The following ZNF223 variants were observed in gnomAD, a reference collection of about 807,000 sequenced individuals.
The protein encoded by ZNF223 is Homo sapiens zinc finger protein 223.
In ZNF223, 9 loss-of-function variants were observed where a neutral mutation model predicts 12.3. The observed-to-expected ratio is 0.73, with a 90% confidence interval of 0.44 to 1.28. The LOEUF (loss-of-function observed/expected upper bound fraction) is 1.28, where lower values mean the gene tolerates loss of function less well. Ranked by LOEUF, ZNF223 falls within the 50% of genes most tolerant of loss-of-function variation. The pLI, the probability that ZNF223 is intolerant of heterozygous loss-of-function variation, is 0.00. For synonymous variants in ZNF223, 171 were observed against 195.2 expected, an observed-to-expected ratio of 0.88 and a Z score of 1.03; for missense variants, 506 against 579.0, an observed-to-expected ratio of 0.87 and a Z score of 1.29.
In ZNF223 at chr19:44,066,255, A is replaced by G. The variant is rs754445322; in HGVS notation, c.427A>G (p.Thr143Ala). 1.5e-5 allele frequency: 24 copies of G among 1,614,138 alleles called. No individual in the cohort carries two copies. The highest frequency in any genetic ancestry group is 1.9e-5 in the Non-Finnish European group (23 of 1,180,042). The change falls in exon 5 of 5, where the codon ACA becomes GCA. Residue 143 changes from threonine to alanine, a missense_variant. Transcript: ENST00000434772. Reference protein sequence around the residue: ...QVEEGLSIMHTGQKPSNCGKC... With the variant: ...QVEEGLSIMHAGQKPSNCGKC... ...TGAGGAAGGACTATCTATAATGCACACAGGACAGAAACCTTCCAATTGTGG... is the reference window on the plus strand; with the variant it reads ...TGAGGAAGGACTATCTATAATGCACGCAGGACAGAAACCTTCCAATTGTGG...
Position 44,065,603 on chromosome 19 carries a change from A to G in ZNF223, c.236-461A>G, listed in dbSNP as rs1172442517. On this transcript the variant is annotated intron_variant, in intron 4 of 4. Coordinates refer to ENST00000434772, the MANE Select transcript of ZNF223 (RefSeq NM_013361.6). ...TTTTTTTTTTTTTTTTTTGAGGCAGAGTCTCACTGTGTCGCCCAGGCTGGA... is the reference window on the plus strand; with the variant it reads ...TTTTTTTTTTTTTTTTTTGAGGCAGGGTCTCACTGTGTCGCCCAGGCTGGA... 4.5e-5 allele frequency among the ~76,000 whole-genome samples: 6 copies of G among 134,036 alleles called. No individual in the cohort carries two copies. The East Asian group carries it at 1.3e-3, about 29-fold the overall frequency. The allele number at this position is 134,036 out of a possible 152,430, so 87.9% of individuals were successfully genotyped here.
rs1976827059 is a variant in ZNF223, at chr19:44,060,769, G to A, written c.163G>A (p.Asp55Asn). Residue 55 changes from aspartate to asparagine, a missense_variant, in exon 4 of 5, where the codon GAT (aspartate) becomes AAT (asparagine). Asp to Asn is a conservative substitution (Grantham distance 23). Coordinates refer to ENST00000434772, the MANE Select transcript of ZNF223 (RefSeq NM_013361.6). ...TACAGGGCATCAACCATTCCACCGA[G>A]ATACTTTCCACTTTCTAAGGGAGGA... ...LSVGHQPFHR[D>N]TFHFLREEKF... 1.9e-6 allele frequency: 3 copies of A among 1,614,114 alleles called. No individual in the cohort carries two copies. The highest frequency in any genetic ancestry group is 2.5e-6 in the Non-Finnish European group (3 of 1,180,016).
rs147217584 is a variant in ZNF223, at chr19:44,065,559, T to C, written c.236-505T>C. ...ATGATTTTTTATTTGAAATGTGGTA[T>C]GTTTTTTTCTTTCTTTTCTTTTTTT... On this transcript the variant is annotated intron_variant, in intron 4 of 4. Coordinates refer to ENST00000434772, the MANE Select transcript of ZNF223 (RefSeq NM_013361.6). Among the ~76,000 whole-genome samples the C allele has an allele frequency of 4.4e-3, 662 of 149,660 alleles. 5 individuals carry two copies. The highest frequency in any genetic ancestry group is 0.015 in the African/African-American group (617 of 41,070).
chr19:44,067,340 T>A lies in ZNF223; in HGVS notation c.*63T>A. The A allele has an allele frequency of 1.4e-6, 2 of 1,466,620 alleles. No homozygotes were observed. The highest frequency in any genetic ancestry group is 1.9e-6 in the Non-Finnish European group (2 of 1,071,024). The allele number at this position is 1,466,620 out of a possible 1,614,324, so 90.9% of individuals were successfully genotyped here. Reference sequence around the variant, plus strand: ...AATATATGTATATGATGTATAATGATCAAATCAGTGTAATTAGCACATTTA... The same window carrying A: ...AATATATGTATATGATGTATAATGAACAAATCAGTGTAATTAGCACATTTA... On this transcript the variant is annotated 3_prime_UTR_variant, in exon 5 of 5. Transcript: ENST00000434772.
Position 44,055,167 on chromosome 19 carries a change from A to G in ZNF223, c.-10A>G, listed in dbSNP as rs1976749045. On this transcript the variant is annotated 5_prime_UTR_variant, in exon 2 of 5. It removes the in-frame stop codon of an upstream open reading frame in the 5' UTR. Coordinates refer to ENST00000434772, the MANE Select transcript of ZNF223 (RefSeq NM_013361.6). ...CAGGACTCTGCAAATTCCCTAAAGT[A>G]GGAGGAAAAATGACCATGTCCAAGG... 7 of 1,613,338 alleles carry G rather than the reference A, an allele frequency of 4.3e-6. No homozygotes were observed. In the East Asian group the frequency reaches 1.6e-4, roughly 36 times the overall value.
chr19:44,065,026 T>A (rs1172009350), intron 4 of ZNF223, among the ~76,000 whole-genome samples: 1 of 152,240 alleles, frequency 6.6e-6, no homozygotes, highest in African/African-American at 2.4e-5. Flanking sequence ...AAGACCTACA[T>A]TAAATCACAT....
chr19:44,063,121 C>G (rs1394184120), intron 4 of ZNF223: 1 of 152,204 alleles, frequency 6.6e-6, no homozygotes, highest in Non-Finnish European at 1.5e-5. Flanking sequence ...CCCTTCCCAT[C>G]TCCTTAAAGA....
At position 44,066,590 on chromosome 19, in the gene ZNF223, C is replaced by A; in HGVS notation, c.762C>A (p.His254Gln). The A allele has an allele frequency of 6.2e-7, 1 of 1,614,134 alleles. No individual in the cohort carries two copies. The highest frequency in any genetic ancestry group is 8.5e-7 in the Non-Finnish European group (1 of 1,180,014). ...CACTTACAGTTCATTGCAAATTACA[C>A]ATGGGAGAGAAACATTATAATTGTG... ...RSALTVHCKL[H>Q]MGEKHYNCEA... Residue 254 changes from histidine to glutamine, a missense_variant, in exon 5 of 5, where the codon CAC becomes CAA. Transcript: ENST00000434772.
intron 2 of ZNF223, among the ~76,000 whole-genome samples, chr19:44,057,457 T>A (rs1976783824): frequency 6.6e-6 from 1 of 152,206 alleles, no homozygotes; most frequent in Non-Finnish European, 1.5e-5. Flanking sequence ...AGATCATCAG[T>A]TCCCTGGAAT....
chr19:44,058,941 C>T (rs1976802999), intron 2 of ZNF223, among the ~76,000 whole-genome samples: 1 of 152,184 alleles, frequency 6.6e-6, no homozygotes, highest in Admixed American at 6.5e-5. Flanking sequence ...GGGGCACCCC[C>T]AGCATGCCTA....
intron 2 of ZNF223, among the ~76,000 whole-genome samples, chr19:44,058,720 GCTGGGCTCCC>G (rs1475747893): frequency 6.6e-6 from 1 of 152,250 alleles, no homozygotes; most frequent in African/African-American, 2.4e-5. Context: ...AAGGGATGTT[GCTGGGCTCCC>G]AAGGCAGTGG....
chr19:44,067,418 A>G lies in ZNF223; in HGVS notation c.*141A>G. ...GAGAAAATTAAAAATTCATTGTTCCAGCAGTTTGAAAATAAATTGTTGTCG... is the reference window on the plus strand; with the variant it reads ...GAGAAAATTAAAAATTCATTGTTCCGGCAGTTTGAAAATAAATTGTTGTCG... On this transcript the variant is annotated 3_prime_UTR_variant, in exon 5 of 5. Transcript: ENST00000434772. 1.9e-6 allele frequency: 2 copies of G among 1,053,040 alleles called. No individual in the cohort carries two copies. The highest frequency in any genetic ancestry group is 1.4e-5 in the South Asian group (1 of 73,614). The allele number at this position is 1,053,040 out of a possible 1,614,324, so 65.2% of individuals were successfully genotyped here.
chr19:44,051,895 A>C (rs1466438635), upstream of ZNF223: 1 of 152,222 alleles, frequency 6.6e-6, no homozygotes, highest in Non-Finnish European at 1.5e-5. Flanking sequence ...TGGCTCTGGC[A>C]GGTGAACCGT....
At chr19:44,060,350 A>C in intron 2 of ZNF223, 105 bp from the exon 3 acceptor site, 2 of 1,527,200 alleles carry the variant, frequency 1.3e-6, no homozygotes, top group Non-Finnish European at 1.8e-6. Flanking sequence ...ACATCTCTGA[A>C]GATCCTGAAA....
At chr19:44,060,366 T>A in intron 2 of ZNF223, 89 bp from the exon 3 acceptor site, 1 of 1,555,054 alleles carries the variant, frequency 6.4e-7, no homozygotes, top group Non-Finnish European at 8.7e-7. Flanking sequence ...TGAAAAACTT[T>A]CCATTTTTCC....
intron 1 of ZNF223, 97 bp from the exon 2 acceptor site, chr19:44,055,012 C>T (rs902136532): frequency 1.6e-5 from 9 of 566,810 alleles, no homozygotes; most frequent in African/African-American, 3.7e-5. Context: ...CTGCTGTGAG[C>T]GTTCATGTGC....
In ZNF223 at chr19:44,067,311, T is replaced by C. The variant is rs2147484016; in HGVS notation, c.*34T>C. ...CATATTTATGGGGTACAGTGTGATATTTAAATATATGTATATGATGTATAA... is the reference window on the plus strand; with the variant it reads ...CATATTTATGGGGTACAGTGTGATACTTAAATATATGTATATGATGTATAA... On this transcript the variant is annotated 3_prime_UTR_variant, in exon 5 of 5. Coordinates refer to ENST00000434772, the MANE Select transcript of ZNF223 (RefSeq NM_013361.6). 6.5e-7 allele frequency: 1 copy of C among 1,544,040 alleles called. No homozygotes were observed. Among genetic ancestry groups the C allele is most frequent in the South Asian group, 1.1e-5 (1 of 87,086 alleles).
At position 44,067,873 on chromosome 19, in the gene ZNF223, A is replaced by G; in HGVS notation, c.*596A>G. On this transcript the variant is annotated 3_prime_UTR_variant, in exon 5 of 5. Coordinates refer to ENST00000434772, the MANE Select transcript of ZNF223 (RefSeq NM_013361.6). The stretch of plus-strand genomic sequence containing the variant: ...TTTTGCTGCATCCTTACATTGCTTG[A>G]GTCTGGAAGATTGAGGCTGCACTGA... 5.7e-6 allele frequency: 1 copy of G among 174,798 alleles called. No homozygotes were observed. The allele number at this position is 174,798 out of a possible 1,614,324, so 10.8% of individuals were successfully genotyped here.
Position 44,067,407 on chromosome 19 carries a change from T to C in ZNF223, c.*130T>C. The C allele has an allele frequency of 8.9e-7, 1 of 1,120,016 alleles. No individual in the cohort carries two copies. Among genetic ancestry groups the C allele is most frequent in the Non-Finnish European group, 1.3e-6 (1 of 767,290 alleles). 69.4% of individuals were successfully genotyped at this position (1,120,016 alleles called of 1,614,324 possible). On this transcript the variant is annotated 3_prime_UTR_variant, in exon 5 of 5. Coordinates refer to ENST00000434772, the MANE Select transcript of ZNF223 (RefSeq NM_013361.6). ...TTTTTTGTGTTGAGAAAATTAAAAA[T>C]TCATTGTTCCAGCAGTTTGAAAATA...
Sources: gnomAD v4.1 joint callset for allele counts (sites outside exome capture counted in the v4.1 genomes callset) on GRCh38, gnomAD v4.1.1 for gene constraint, MANE v1.5 for transcripts, NCBI Gene and HGNC (gene_info 2026-07-23, HGNC 2026-07-21) for gene names.